Variants in CEP295 observed in about 807,000 individuals in gnomAD.
CEP295 encodes the protein centrosomal protein 295.
CEP295 carries 190 observed loss-of-function variants against 291.6 expected under a neutral mutation model. The ratio of observed to expected loss-of-function variants is 0.65; its 90% CI spans 0.58 to 0.73. CEP295 has a LOEUF of 0.73. Ranked by LOEUF, CEP295 falls within the 30% of genes least tolerant of loss-of-function variation. The pLI is 0.00. For missense variants in CEP295, 2,863 were observed against 2,949.4 expected (o/e 0.97, Z 0.68); for synonymous variants, 993 against 1,038.8 (o/e 0.96, Z 0.85).
chr11:93,696,632 T>C, intron 14 of CEP295, 50 bp from the exon 15 acceptor site: 2 of 1,458,310 alleles, frequency 1.4e-6, no homozygotes, highest in Non-Finnish European at 1.8e-6. Flanking sequence ...GACATGGGGC[T>C]TTTTATTTTT....
In CEP295 at chr11:93,712,856, TTTGTTGTTGTTGTTGTTG is replaced by T. The variant is rs56969423; in HGVS notation, c.5749+5980_5749+5997del. On this transcript the variant is annotated intron_variant, in intron 18 of 29. Coordinates refer to ENST00000325212, the MANE Select transcript of CEP295 (RefSeq NM_033395.2). ...CTCTTCCTACTTTTCTTTCTTCTGT[TTTGTTGTTGTTGTTGTTG>T]TTGTTGTTGTTGTTGTTGTTTTAGT... 4.8e-3 allele frequency among the ~76,000 whole-genome samples: 720 copies of T among 148,884 alleles called. 6 individuals carry two copies. Among genetic ancestry groups the T allele is most frequent in the African/African-American group, 0.016 (643 of 40,566 alleles).
At chr11:93,683,842 T>C in intron 8 of CEP295, 100 bp downstream of exon 8, 1 of 1,430,668 alleles carries the variant, frequency 7.0e-7, no homozygotes. Context: ...AAATGAGTTC[T>C]CTGTTTGAAG....
intron 10 of CEP295, among the ~76,000 whole-genome samples, chr11:93,689,577 A>G (rs1033890714): frequency 1.3e-5 from 2 of 152,102 alleles, no homozygotes; most frequent in African/African-American, 4.8e-5. Context: ...TTCTGACTAT[A>G]TAAAATGGCA....
In CEP295 at chr11:93,683,924, A is replaced by G. The variant is rs371647417; in HGVS notation, c.950-40A>G. On this transcript the variant is annotated intron_variant, in intron 8 of 29. Transcript: ENST00000325212. The stretch of plus-strand genomic sequence containing the variant: ...TTTTGTGATCCAGTTATTTTTAATC[A>G]TTTTGGAATGGAAACGTGTCTCTAT... The G allele has an allele frequency of 3.7e-5, 56 of 1,525,248 alleles. No individual in the cohort carries two copies. The East Asian group carries it at 9.8e-4, about 27-fold the overall frequency. The allele number at this position is 1,525,248 out of a possible 1,614,324, so 94.5% of individuals were successfully genotyped here.
At chr11:93,721,161 C>T in intron 18 of CEP295, 151 bp from the exon 19 acceptor site, 1 of 581,436 alleles carries the variant, frequency 1.7e-6, no homozygotes, top group Non-Finnish European at 3.1e-6. Context: ...TGAATTTTTT[C>T]TTTGATCTAA....
intron 18 of CEP295, among the ~76,000 whole-genome samples, chr11:93,709,506 G>A (rs1952751862): frequency 6.6e-6 from 1 of 152,098 alleles, no homozygotes. Flanking sequence ...TGATCTGTGT[G>A]TGTCTCTTTT....
chr11:93,668,999 G>A, intron 4 of CEP295, 67 bp downstream of exon 4: 1 of 768,660 alleles, frequency 1.3e-6, no homozygotes, highest in South Asian at 1.9e-5. Flanking sequence ...GGATACATAG[G>A]ATACTGTGTA....
At chr11:93,692,072 G>C (rs941710270) in intron 12 of CEP295, 42 bp downstream of exon 12, 19 of 1,084,078 alleles carry the variant, frequency 1.8e-5, no homozygotes, top group African/African-American at 3.1e-5. Flanking sequence ...TTTTCCCCTA[G>C]GTACTATTAT....
chr11:93,691,403 G>A (rs968286093), intron 10 of CEP295, among the ~76,000 whole-genome samples: 84 of 152,010 alleles, frequency 5.5e-4, no homozygotes, highest in African/African-American at 1.8e-3. Flanking sequence ...TGTTGTTTCC[G>A]CTCTTTTTAT....
Position 93,727,576 on chromosome 11 carries a change from G to A in CEP295, c.7100G>A (p.Gly2367Glu), listed in dbSNP as rs778683695. The change falls in exon 24 of 30, where the codon GGA (glycine) becomes GAA (glutamate). Residue 2367 changes from glycine to glutamate, a missense_variant. Coordinates refer to ENST00000325212, the MANE Select transcript of CEP295 (RefSeq NM_033395.2). ...PKITKKLSQL[G>E]ESELFASSGS... is the part of the protein sequence containing the mutation. ...ATCACCAAAAAACTATCTCAACTAG[G>A]AGAATCAGAGCTTTTTGCAAGTTCT... is the stretch of plus-strand genomic sequence containing the variant. 44 of 1,550,994 alleles carry A rather than the reference G, an allele frequency of 2.8e-5. No homozygotes were observed. The highest frequency in any genetic ancestry group is 2.0e-5 in the Non-Finnish European group (23 of 1,146,862).
chr11:93,680,136 G>T (rs1239285995), intron 7 of CEP295, among the ~76,000 whole-genome samples: 1 of 152,156 alleles, frequency 6.6e-6, no homozygotes, highest in East Asian at 1.9e-4. Flanking sequence ...AATTAGCCAG[G>T]CATGGTGGTG....
In CEP295 at chr11:93,702,760, G is replaced by A; in HGVS notation, c.5453-16G>A. The A allele has an allele frequency of 6.5e-7, 1 of 1,550,038 alleles. No individual in the cohort carries two copies. Among genetic ancestry groups the A allele is most frequent in the Non-Finnish European group, 8.7e-7 (1 of 1,146,400 alleles). ...TAGATTTTGTATTGTATCCAACTTTGTCATTGACTTAATAGGTGAGCATCT... is the reference window on the plus strand; with the variant it reads ...TAGATTTTGTATTGTATCCAACTTTATCATTGACTTAATAGGTGAGCATCT... On this transcript the variant is annotated splice_polypyrimidine_tract_variant and intron_variant, in intron 16 of 29. Coordinates refer to ENST00000325212, the MANE Select transcript of CEP295 (RefSeq NM_033395.2).
At chr11:93,666,651 T>C (rs1408846212) in intron 1 of CEP295, 31 bp from the exon 2 acceptor site, 1 of 830,832 alleles carries the variant, frequency 1.2e-6, no homozygotes, top group Non-Finnish European at 1.9e-6. Flanking sequence ...TGTTACATTA[T>C]TTTTATAGAC....
At position 93,699,344 on chromosome 11, in the gene CEP295, A is replaced by G; in HGVS notation, c.4432A>G (p.Lys1478Glu). 1 of 1,552,072 alleles carries G rather than the reference A, an allele frequency of 6.4e-7. No homozygotes were observed. Among genetic ancestry groups the G allele is most frequent in the Middle Eastern group, 1.7e-4 (1 of 5,998 alleles). ...DFLPSIEKTQKELVLSKPCKF... is the reference protein window; with the variant it reads ...DFLPSIEKTQEELVLSKPCKF... The stretch of plus-strand genomic sequence containing the variant: ...CCTTCCTTCTATTGAGAAAACCCAG[A>G]AAGAATTGGTTTTGTCAAAACCATG... The change falls in exon 15 of 30, where the codon AAA becomes GAA. Residue 1478 changes from lysine (K) to glutamate (E), a missense_variant. Physicochemically the swap from Lys to Glu is moderately conservative, Grantham distance 56. Transcript: ENST00000325212.
intron 6 of CEP295, among the ~76,000 whole-genome samples, chr11:93,677,357 C>T (rs1468644179): frequency 6.6e-6 from 1 of 152,104 alleles, no homozygotes; most frequent in Non-Finnish European, 1.5e-5. Flanking sequence ...CTTTTTAGCA[C>T]ATAAGAGCTG....
chr11:93,670,080 G>A (rs780614151), intron 5 of CEP295, among the ~76,000 whole-genome samples: 2 of 151,898 alleles, frequency 1.3e-5, no homozygotes, highest in Non-Finnish European at 2.9e-5. Context: ...TTTGTTGTTT[G>A]GAAAACTATA....
chr11:93,719,216 G>A (rs975076133), intron 18 of CEP295, among the ~76,000 whole-genome samples: 3 of 148,714 alleles, frequency 2.0e-5, no homozygotes, highest in Non-Finnish European at 4.4e-5. Flanking sequence ...AGATGTGTAC[G>A]TGTGTGTGTG....
In CEP295 at chr11:93,721,405, A is replaced by G. The variant is rs756673379; in HGVS notation, c.5843A>G (p.Asp1948Gly). The G allele has an allele frequency of 6.9e-6, 11 of 1,585,146 alleles. No homozygotes were observed. The highest frequency in any genetic ancestry group is 9.5e-6 in the Non-Finnish European group (11 of 1,155,688). The change falls in exon 19 of 30, where the codon GAT becomes GGT. Residue 1948 changes from aspartate (D) to glycine (G), a missense_variant. Asp to Gly is a moderately conservative substitution (Grantham distance 94). Transcript: ENST00000325212. Reference protein sequence around the residue: ...HAYLGPTVKPDDKAKTLSYEP... With the variant: ...HAYLGPTVKPGDKAKTLSYEP... ...TATTTGGGTCCAACTGTGAAGCCAGATGATAAGGTTAGTAATGTCTTAATG... is the reference window on the plus strand; with the variant it reads ...TATTTGGGTCCAACTGTGAAGCCAGGTGATAAGGTTAGTAATGTCTTAATG...
At chr11:93,725,564 G>A in intron 22 of CEP295, 87 bp from the exon 23 acceptor site, 1 of 1,069,044 alleles carries the variant, frequency 9.4e-7, no homozygotes, top group Non-Finnish European at 1.3e-6. Context: ...AATTAAGGAA[G>A]AGTAATACCA....
Sources: gnomAD v4.1 joint callset for allele counts (sites outside exome capture counted in the v4.1 genomes callset) on GRCh38, gnomAD v4.1.1 for gene constraint, MANE v1.5 for transcripts, NCBI Gene and HGNC (gene_info 2026-07-23, HGNC 2026-07-21) for gene names.